Variants in DMXL1 observed in about 807,000 individuals in gnomAD.
The protein encoded by DMXL1 is dmX-like protein 1.
A neutral mutation model predicts 319.2 loss-of-function variants in DMXL1; 99 were observed. The observed-to-expected ratio is 0.31, with a 90% confidence interval of 0.26 to 0.37. The LOEUF (loss-of-function observed/expected upper bound fraction) is 0.37, where lower values mean the gene tolerates loss of function less well. Ranked by LOEUF, DMXL1 falls within the 10% of genes least tolerant of loss-of-function variation. DMXL1 has a pLI of 1.00. For synonymous variants in DMXL1, 1,385 were observed against 1,235.2 expected (o/e 1.12, Z -2.54); for missense variants, 3,745 against 3,595.6 (o/e 1.04, Z -1.06).
chr5:119,172,047 T>A (rs918144864), intron 25 of DMXL1, 78 bp downstream of exon 25: 50 of 1,313,512 alleles, frequency 3.8e-5, no homozygotes, highest in East Asian at 1.7e-4. Context: ...GGCTTTTTTT[T>A]AAGTAATTTT....
rs1232226616 is a variant in DMXL1 at position 119,151,955 on chromosome 5, T to A, written c.4621T>A (p.Leu1541Ile). Residue 1541 changes from leucine (L) to isoleucine (I), a missense_variant, in exon 19 of 44, where the codon TTA becomes ATA. Leu to Ile is a conservative substitution (Grantham distance 5, BLOSUM62 2). This residue lies in a region of DMXL1 where 2,096 missense variants were observed against 1,985.4 expected (regional missense o/e 1.06). Transcript: ENST00000539542. Reference sequence around the variant, plus strand: ...TGGAGAAACTCTTGATGAATGTGGGTTAAAATTTCTTTTGGCTGTTCGACT... The same window carrying A: ...TGGAGAAACTCTTGATGAATGTGGGATAAAATTTCTTTTGGCTGTTCGACT... ...QGGETLDECG[L>I]KFLLAVRLHT... 1.2e-6 allele frequency: 2 copies of A among 1,613,006 alleles called. No homozygotes were observed. The highest frequency in any genetic ancestry group is 3.3e-5 in the Admixed American group (2 of 59,946).
intron 9 of DMXL1, among the ~76,000 whole-genome samples, chr5:119,121,940 G>C (rs1387195277): frequency 1.3e-5 from 2 of 148,930 alleles, no homozygotes; most frequent in South Asian, 4.3e-4. Flanking sequence ...TCCCGGACGG[G>C]GCGGCTGGCC....
At position 119,122,245 on chromosome 5, in the gene DMXL1, C is replaced by T. The variant is rs530607541; in HGVS notation, c.1102+1106C>T. Reference sequence around the variant, plus strand: ...GGCGCCCCTCACCTCCCGGACGGGGCGGCTGGCTGGGCGGGGGGCCGACCA... The same window carrying T: ...GGCGCCCCTCACCTCCCGGACGGGGTGGCTGGCTGGGCGGGGGGCCGACCA... On this transcript the variant is annotated intron_variant, in intron 9 of 43. Coordinates refer to ENST00000539542, the MANE Select transcript of DMXL1 (RefSeq NM_001290321.3). Among the ~76,000 whole-genome samples, 256 of 141,440 alleles carry T rather than the reference C, an allele frequency of 1.8e-3. 5 individuals carry two copies. The highest frequency in any genetic ancestry group is 0.016 in the Admixed American group (240 of 14,558). 92.8% of individuals were successfully genotyped at this position (141,440 alleles called of 152,430 possible).
Position 119,175,296 on chromosome 5 carries a change from T to C in DMXL1, c.6717T>C (p.Ser2239=), listed in dbSNP as rs767515743. ...TGCATACTTTAGCAGCTTCACTTTC[T>C]GCTTGTATTTATCAGTGCCTTTGTG... ...YVMHTLAASL[S]ACIYQCLCGS... The change falls in exon 26 of 44, where the codon TCT becomes TCC. Residue 2239 remains serine, a synonymous_variant. Coordinates refer to ENST00000539542, the MANE Select transcript of DMXL1 (RefSeq NM_001290321.3). The C allele has an allele frequency of 1.2e-6, 2 of 1,612,146 alleles. No homozygotes were observed. Among genetic ancestry groups the C allele is most frequent in the Middle Eastern group, 3.3e-4 (2 of 6,046 alleles).
At chr5:119,144,019 A>T (rs1767986856) in intron 14 of DMXL1, 89 bp downstream of exon 14, 1 of 785,204 alleles carries the variant, frequency 1.3e-6, no homozygotes, top group Non-Finnish European at 2.1e-6. Context: ...TAATTTGAAA[A>T]TTTGCTATAT....
intron 28 of DMXL1, among the ~76,000 whole-genome samples, chr5:119,179,526 G>C (rs1158021716): frequency 6.6e-6 from 1 of 151,892 alleles, no homozygotes; most frequent in Non-Finnish European, 1.5e-5. Context: ...TTCATTATTT[G>C]GGAAAAAAAT....
In DMXL1 at chr5:119,113,134, A is replaced by G. The variant is rs577549979; in HGVS notation, c.498-1341A>G. Among the ~76,000 whole-genome samples, 14 of 152,364 alleles carry G rather than the reference A, an allele frequency of 9.2e-5. No individual in the cohort carries two copies. The South Asian group carries it at 2.7e-3, about 29-fold the overall frequency. On this transcript the variant is annotated intron_variant, in intron 5 of 43. Coordinates refer to ENST00000539542, the MANE Select transcript of DMXL1 (RefSeq NM_001290321.3). ...GAAATCATTGTATGTATATATATGT[A>G]AACATATACAGTGGAATATAAGCCA... is the stretch of plus-strand genomic sequence containing the variant.
At chr5:119,229,509 C>G (rs1384648365) in intron 38 of DMXL1, among the ~76,000 whole-genome samples, 2 of 152,076 alleles carry the variant, frequency 1.3e-5, no homozygotes, top group African/African-American at 4.8e-5. Context: ...TCCTCTTACA[C>G]AAACCCTGTA....
At chr5:119,129,085 A>G (rs1764235599) in intron 9 of DMXL1, 126 bp from the exon 10 acceptor site, 1 of 654,424 alleles carries the variant, frequency 1.5e-6, no homozygotes, top group Non-Finnish European at 2.5e-6. Flanking sequence ...AATAAAATTA[A>G]AAAGTGAAAG....
intron 13 of DMXL1, 130 bp downstream of exon 13, chr5:119,134,519 T>A: frequency 1.2e-6 from 1 of 828,234 alleles, no homozygotes; most frequent in Non-Finnish European, 1.8e-6. Context: ...TTTTATTTTT[T>A]CACATTTGTA....
rs1046874817 is a variant in DMXL1 at position 119,099,827 on chromosome 5, C to G, written c.213+1723C>G. Reference sequence around the variant, plus strand: ...AGACCAGCTTGGGGCAACCCTGTCTCTACAAAAATAAAAATAATAAGTAAA... The same window carrying G: ...AGACCAGCTTGGGGCAACCCTGTCTGTACAAAAATAAAAATAATAAGTAAA... On this transcript the variant is annotated intron_variant, in intron 2 of 43. Transcript: ENST00000539542. Among the ~76,000 whole-genome samples, 3 of 152,028 alleles carry G rather than the reference C, an allele frequency of 2.0e-5. No individual in the cohort carries two copies. The South Asian group carries it at 6.2e-4, about 32-fold the overall frequency.
At chr5:119,085,329 C>G (rs1183580859) in intron 1 of DMXL1, among the ~76,000 whole-genome samples, 1 of 149,372 alleles carries the variant, frequency 6.7e-6, no homozygotes, top group Non-Finnish European at 1.5e-5. Context: ...GAGACTTTGT[C>G]TCAAAAATAA....
At chr5:119,189,908 T>C in intron 29 of DMXL1, 22 bp downstream of exon 29, 1 of 1,582,304 alleles carries the variant, frequency 6.3e-7, no homozygotes, top group Non-Finnish European at 8.7e-7. Context: ...GCTATCTAGA[T>C]CAATATTTTC....
intron 19 of DMXL1, among the ~76,000 whole-genome samples, chr5:119,152,763 T>A (rs899089788): frequency 1.3e-5 from 2 of 152,146 alleles, no homozygotes; most frequent in African/African-American, 4.8e-5. Flanking sequence ...GTTCAAGAAA[T>A]AGAGCTGACT....
At chr5:119,124,563 CTTTTTTTT>C (rs34589863) in intron 9 of DMXL1, among the ~76,000 whole-genome samples, 32 of 102,948 alleles carry the variant, frequency 3.1e-4, no homozygotes, top group African/African-American at 1.1e-3. Flanking sequence ...ATGGTGATGA[CTTTTTTTT>C]TTTTTTTTTT....
rs1469601707 is a variant in DMXL1, at chr5:119,247,198, T to C, written c.9126T>C (p.Asn3042=). 2 of 1,612,538 alleles carry C rather than the reference T, an allele frequency of 1.2e-6. No individual in the cohort carries two copies. Among genetic ancestry groups the C allele is most frequent in the South Asian group, 1.1e-5 (1 of 90,984 alleles). Residue 3042 remains asparagine, a synonymous_variant, in exon 44 of 44, where the codon AAT becomes AAC. Transcript: ENST00000539542. ...QFSPLNEVLK[N]DVKFML ...GCCCTTTAAATGAAGTGTTGAAAAA[T>C]GATGTGAAATTTATGCTATAACATT...
intron 1 of DMXL1, among the ~76,000 whole-genome samples, chr5:119,074,244 G>A (rs1750316056): frequency 6.6e-6 from 1 of 152,140 alleles, no homozygotes; most frequent in African/African-American, 2.4e-5. Flanking sequence ...AACCTTTTTT[G>A]ATTTTGACTT....
At chr5:119,216,190 T>G (rs576784059) in intron 34 of DMXL1, among the ~76,000 whole-genome samples, 17 of 151,914 alleles carry the variant, frequency 1.1e-4, no homozygotes, top group Non-Finnish European at 2.1e-4. Context: ...TCCTCTTTTC[T>G]GCTTATTTTA....
Position 119,197,656 on chromosome 5 carries a change from TC to T in DMXL1, c.7544-97del, listed in dbSNP as rs1192922463. 6.6e-6 allele frequency: 7 copies of T among 1,053,308 alleles called. No homozygotes were observed. In the East Asian group the frequency reaches 1.7e-4, roughly 25 times the overall value. 65.2% of individuals were successfully genotyped at this position (1,053,308 alleles called of 1,614,324 possible). ...TATTTCATCTCAGTCTTTTTTTTTT[TC>T]CTGCATCTGCTCTCCCCTCTCTCAT... On this transcript the variant is annotated intron_variant, in intron 31 of 43. Transcript: ENST00000539542.
Sources: allele counts gnomAD v4.1 joint callset (sites outside exome capture counted in the v4.1 genomes callset), GRCh38; gene constraint gnomAD v4.1.1; regional missense constraint gnomAD v4.1.1; transcripts MANE v1.5; gene names NCBI Gene and HGNC (gene_info 2026-07-23, HGNC 2026-07-21).